The following METTL2B variants were observed in gnomAD, a reference collection of about 807,000 sequenced individuals.
METTL2B encodes the protein tRNA N(3)-cytidine methyltransferase METTL2B.
METTL2B carries 28 observed loss-of-function variants against 51.0 expected under a neutral mutation model. The observed-to-expected ratio is 0.55, with a 90% CI of 0.41 to 0.75. The LOEUF (loss-of-function observed/expected upper bound fraction) is 0.75, where lower values mean the gene tolerates loss of function less well. Among genes scored for constraint, METTL2B ranks in the 30% least tolerant of loss-of-function variants. The probability of loss-of-function intolerance (pLI) is 0.00; values close to 1 mark genes in which losing one functional copy is unlikely to be tolerated. For synonymous variants in METTL2B, 128 were observed against 166.3 expected (o/e 0.77, Z 1.77); for missense variants, 313 against 460.7 (o/e 0.68, Z 2.93).
In METTL2B at chr7:128,498,127, C is replaced by T; in HGVS notation, c.901C>T (p.Leu301Phe). 1 of 1,613,732 alleles carries T rather than the reference C, an allele frequency of 6.2e-7. No individual in the cohort carries two copies. Among genetic ancestry groups the T allele is most frequent in the Non-Finnish European group, 8.5e-7 (1 of 1,179,854 alleles). Residue 301 changes from leucine (L) to phenylalanine (F), a missense_variant, in exon 7 of 9, where the codon CTT becomes TTT. Physicochemically the swap from Leu to Phe is conservative, Grantham distance 22 (BLOSUM62 0). Transcript: ENST00000262432. ...RDYGRYDMAQ[L>F]RFKKGQCLSG... is the part of the protein sequence containing the mutation. Reference sequence around the variant, plus strand: ...TTACGGCCGCTATGACATGGCTCAGCTTCGGTTTAAAAAAGGTATTTTGAG... The same window carrying T: ...TTACGGCCGCTATGACATGGCTCAGTTTCGGTTTAAAAAAGGTATTTTGAG...
At chr7:128,478,276 G>A (rs1751141028) in intron 2 of METTL2B, among the ~76,000 whole-genome samples, 1 of 150,472 alleles carries the variant, frequency 6.6e-6, no homozygotes, top group Admixed American at 6.6e-5. Context: ...TTTGGAGGCG[G>A]AGTCTCGCTC....
chr7:128,495,210 C>T (rs1040243720), intron 6 of METTL2B, among the ~76,000 whole-genome samples: 1 of 151,870 alleles, frequency 6.6e-6, no homozygotes, highest in African/African-American at 2.4e-5. Flanking sequence ...CGTGAGCCAC[C>T]ACGCCCAGCC....
intron 6 of METTL2B, 131 bp from the exon 7 acceptor site, chr7:128,497,905 T>C (rs1563031037): frequency 2.4e-6 from 2 of 830,282 alleles, no homozygotes; most frequent in Non-Finnish European, 3.8e-6. Context: ...AACTGAAGAG[T>C]AGAGGAGCTT....
At position 128,480,693 on chromosome 7, in the gene METTL2B, A is replaced by G; in HGVS notation, c.605A>G (p.Asn202Ser). 6.2e-7 allele frequency: 1 copy of G among 1,606,434 alleles called. No homozygotes were observed. The highest frequency in any genetic ancestry group is 8.5e-7 in the Non-Finnish European group (1 of 1,177,574). ...GNTVFPILQTNNDPGLFVYCC... is the reference protein window; with the variant it reads ...GNTVFPILQTSNDPGLFVYCC... The stretch of plus-strand genomic sequence containing the variant: ...ACAGTCTTTCCAATTTTACAAACGA[A>G]CAAGTAAGTATGTTGTAAAAGTTTA... The change falls in exon 4 of 9, where the codon AAC becomes AGC. Residue 202 changes from asparagine (N) to serine (S), a missense_variant. This residue lies in a region of METTL2B where 42 missense variants were observed against 113.4 expected (regional missense o/e 0.37). Coordinates refer to ENST00000262432, the MANE Select transcript of METTL2B (RefSeq NM_018396.3).
At chr7:128,478,821 G>A (rs1204593778) in intron 2 of METTL2B, among the ~76,000 whole-genome samples, 3 of 151,936 alleles carry the variant, frequency 2.0e-5, no homozygotes, top group Non-Finnish European at 2.9e-5. Context: ...CCAAGATTGC[G>A]CCCCTGCACT....
chr7:128,477,198 G>C lies in METTL2B; in HGVS notation c.202+25G>C, dbSNP rs768594551. On this transcript the variant is annotated intron_variant, in intron 2 of 8. Transcript: ENST00000262432. ...GGTGCGCTTAAATGGGCTCTCGTTG[G>C]TATCAACAGCCAGCGTACTGCCGAA... 1.9e-6 allele frequency: 3 copies of C among 1,613,544 alleles called. No homozygotes were observed. In the African/African-American group the frequency reaches 4.0e-5, roughly 22 times the overall value.
At chr7:128,479,095 A>G in intron 2 of METTL2B, 63 bp from the exon 3 acceptor site, 1 of 1,465,004 alleles carries the variant, frequency 6.8e-7, no homozygotes, top group Non-Finnish European at 9.3e-7. Flanking sequence ...AGGATAATTG[A>G]CGTTAGATAT....
chr7:128,501,509 G>T (rs1584798890), intron 8 of METTL2B: 1 of 985,154 alleles, frequency 1.0e-6, no homozygotes, highest in Non-Finnish European at 1.2e-6. Flanking sequence ...AAATTTTAAG[G>T]TGTTCATAGA....
intron 3 of METTL2B, among the ~76,000 whole-genome samples, chr7:128,479,958 A>G (rs1386290897): frequency 6.6e-6 from 1 of 152,176 alleles, no homozygotes; most frequent in African/African-American, 2.4e-5. Context: ...CTTCCTCTGC[A>G]TTTGGATGGT....
Position 128,505,844 on chromosome 7 carries a change from T to C in METTL2B, c.*3928T>C, listed in dbSNP as rs1187254285. On this transcript the variant is annotated 3_prime_UTR_variant, in exon 9 of 9. Coordinates refer to ENST00000262432, the MANE Select transcript of METTL2B (RefSeq NM_018396.3). ...AGTTTCTTGTGGGGTTATTTGTTGT[T>C]GTTTTTGAGACAGGCTCACCCAGGC... is the stretch of plus-strand genomic sequence containing the variant. 1 of 152,172 alleles carries C rather than the reference T, an allele frequency of 6.6e-6. No individual in the cohort carries two copies. The highest frequency in any genetic ancestry group is 1.9e-4 in the East Asian group (1 of 5,188). The allele number at this position is 152,172 out of a possible 1,614,324, so 9.4% of individuals were successfully genotyped here.
At chr7:128,488,553 C>G (rs890791129) in intron 5 of METTL2B, 3 of 459,820 alleles carry the variant, frequency 6.5e-6, no homozygotes, top group Non-Finnish European at 1.4e-5. Context: ...CAAATCACAT[C>G]TGTGTAAGAC....
At position 128,504,766 on chromosome 7, in the gene METTL2B, T is replaced by C. The variant is rs938490934; in HGVS notation, c.*2850T>C. On this transcript the variant is annotated 3_prime_UTR_variant, in exon 9 of 9. Coordinates refer to ENST00000262432, the MANE Select transcript of METTL2B (RefSeq NM_018396.3). The stretch of plus-strand genomic sequence containing the variant: ...GGGCGGATCATTTGAGGTCAGGAGT[T>C]CGAGACCAGCCTGGCCAACTTAATG... 6.8e-6 allele frequency: 1 copy of C among 147,508 alleles called. No individual in the cohort carries two copies. The highest frequency in any genetic ancestry group is 2.5e-5 in the African/African-American group (1 of 40,370). The allele number at this position is 147,508 out of a possible 1,614,324, so 9.1% of individuals were successfully genotyped here.
chr7:128,497,716 C>T (rs534338099), intron 6 of METTL2B, among the ~76,000 whole-genome samples: 1 of 151,420 alleles, frequency 6.6e-6, no homozygotes, highest in South Asian at 2.1e-4. Flanking sequence ...CTCCTGACCT[C>T]ATTTGATCCG....
intron 4 of METTL2B, among the ~76,000 whole-genome samples, chr7:128,484,782 T>C (rs1792670041): frequency 6.6e-6 from 1 of 151,902 alleles, no homozygotes; most frequent in African/African-American, 2.4e-5. Flanking sequence ...TAGGATTCAC[T>C]GTGTTGGCCA....
intron 4 of METTL2B, among the ~76,000 whole-genome samples, chr7:128,480,903 G>A (rs1458100801): frequency 6.6e-6 from 1 of 152,174 alleles, no homozygotes; most frequent in Non-Finnish European, 1.5e-5. Flanking sequence ...ATCAATAATG[G>A]TTATTGGAAA....
Position 128,479,529 on chromosome 7 carries a change from C to T in METTL2B, c.558+16C>T. 1.2e-6 allele frequency: 2 copies of T among 1,608,778 alleles called. No individual in the cohort carries two copies. The highest frequency in any genetic ancestry group is 1.7e-6 in the Non-Finnish European group (2 of 1,176,378). On this transcript the variant is annotated intron_variant, in intron 3 of 8. Coordinates refer to ENST00000262432, the MANE Select transcript of METTL2B (RefSeq NM_018396.3). ...AATACTGGAGGTAACCTTTTATTGT[C>T]TTGGTAGTGGGATATGTGAAGCTAT...
At position 128,484,240 on chromosome 7, in the gene METTL2B, T is replaced by TGTTTTTGTTTTTGTTTTTG. The variant is rs1584790669; in HGVS notation, c.608+3544_608+3545insGTTTTTGTTTTTGTTTTTG. The TGTTTTTGTTTTTGTTTTTG allele has an allele frequency of 1.1e-4, 14 of 132,378 alleles. No individual in the cohort carries two copies. In the South Asian group the frequency reaches 2.8e-3, roughly 26 times the overall value. The allele number at this position is 132,378 out of a possible 1,614,324, so 8.2% of individuals were successfully genotyped here. ...TCCTTTTTTTTTTTTTTTTTTTTTT[T>TGTTTTTGTTTTTGTTTTTG]TTTTTGAGACAGGATTTCTGTCACC... On this transcript the variant is annotated intron_variant, in intron 4 of 8. Coordinates refer to ENST00000262432, the MANE Select transcript of METTL2B (RefSeq NM_018396.3).
rs1793058353 is a variant in METTL2B at position 128,502,925 on chromosome 7, G to A, written c.*1009G>A. ...AAAAATAAAAATAAAAAAAATCTTAGTTCCATGGAATTTTAAGCACTGTTC... is the reference window on the plus strand; with the variant it reads ...AAAAATAAAAATAAAAAAAATCTTAATTCCATGGAATTTTAAGCACTGTTC... On this transcript the variant is annotated 3_prime_UTR_variant, in exon 9 of 9. Coordinates refer to ENST00000262432, the MANE Select transcript of METTL2B (RefSeq NM_018396.3). The A allele has an allele frequency of 5.1e-6, 1 of 195,784 alleles. No individual in the cohort carries two copies. Among genetic ancestry groups the A allele is most frequent in the Non-Finnish European group, 1.1e-5 (1 of 94,340 alleles). 12.1% of individuals were successfully genotyped at this position (195,784 alleles called of 1,614,324 possible).
At chr7:128,493,277 A>G (rs982335229) in intron 5 of METTL2B, among the ~76,000 whole-genome samples, 6 of 151,752 alleles carry the variant, frequency 4.0e-5, no homozygotes, top group Non-Finnish European at 8.8e-5. Flanking sequence ...CAATGGTACA[A>G]TCTCGGCTCA....
Sources: gnomAD v4.1 joint callset for allele counts (sites outside exome capture counted in the v4.1 genomes callset) on GRCh38, gnomAD v4.1.1 for gene constraint, gnomAD v4.1.1 regional missense constraint, MANE v1.5 for transcripts, NCBI Gene and HGNC (gene_info 2026-07-23, HGNC 2026-07-21) for gene names.